INPP4B: variants seen among roughly 807,000 people sequenced by gnomAD.
INPP4B encodes the protein inositol polyphosphate 4-phosphatase type II.
A neutral mutation model predicts 122.5 loss-of-function variants in INPP4B; 55 were observed. The ratio of observed to expected loss-of-function variants is 0.45; its 90% CI spans 0.36 to 0.56. INPP4B has a LOEUF of 0.56. INPP4B is among the 20% of genes least tolerant of loss of function. The pLI is 0.00. For synonymous variants in INPP4B, 403 were observed against 388.7 expected, an observed-to-expected ratio of 1.04 and a Z score of -0.43; for missense variants, 1,000 against 1,097.7, an observed-to-expected ratio of 0.91 and a Z score of 1.26.
intron 2 of INPP4B, among the ~76,000 whole-genome samples, chr4:142,548,920 T>C (rs1727327354): frequency 6.6e-6 from 1 of 152,134 alleles, no homozygotes. Flanking sequence ...TATTAATTAT[T>C]ATACTGTGCT....
intron 2 of INPP4B, among the ~76,000 whole-genome samples, chr4:142,685,796 G>A (rs1356927763): frequency 2.6e-5 from 4 of 151,942 alleles, no homozygotes; most frequent in African/African-American, 9.7e-5. Context: ...GTTTCTATGT[G>A]TACATTTTTT....
intron 11 of INPP4B, among the ~76,000 whole-genome samples, chr4:142,246,068 T>A (rs1728526197): frequency 6.9e-6 from 1 of 145,604 alleles, no homozygotes; most frequent in South Asian, 2.1e-4. Context: ...TATGTGTGTG[T>A]GTATACACAC....
At position 142,829,948 on chromosome 4, in the gene INPP4B, T is replaced by G. The variant is rs1581012724; in HGVS notation, c.-254+16261A>C. Among the ~76,000 whole-genome samples, 3 of 152,258 alleles carry G rather than the reference T, an allele frequency of 2.0e-5. No individual in the cohort carries two copies. In the South Asian group the frequency reaches 6.2e-4, roughly 32 times the overall value. On this transcript the variant is annotated intron_variant, in intron 1 of 25. Coordinates refer to ENST00000262992, the MANE Select transcript of INPP4B (RefSeq NM_001101669.3). ...TAATTAAAACATTTAATTTTAAAAATTATACCATTTTAATAACTACAATAA... is the reference window on the plus strand; with the variant it reads ...TAATTAAAACATTTAATTTTAAAAAGTATACCATTTTAATAACTACAATAA...
intron 2 of INPP4B, among the ~76,000 whole-genome samples, chr4:142,589,378 T>C (rs1475452300): frequency 6.6e-6 from 1 of 151,916 alleles, no homozygotes; most frequent in Non-Finnish European, 1.5e-5. Flanking sequence ...TAGAATAAAA[T>C]ATTTGCAGAA....
chr4:142,751,068 T>A lies in INPP4B; in HGVS notation c.-253-25167A>T, dbSNP rs1320234697. On this transcript the variant is annotated intron_variant, in intron 1 of 25. Transcript: ENST00000262992. ...CTGTAGCCAAATAGCAAATTTTGAG[T>A]ACAGCTGTAAAAATAGCATGATGTT... is the stretch of plus-strand genomic sequence containing the variant. Among the ~76,000 whole-genome samples the A allele has an allele frequency of 2.0e-5, 3 of 151,974 alleles. No homozygotes were observed. In the East Asian group the frequency reaches 5.8e-4, roughly 29 times the overall value.
chr4:142,533,796 T>C (rs923673358), intron 2 of INPP4B, among the ~76,000 whole-genome samples: 3 of 152,160 alleles, frequency 2.0e-5, no homozygotes, highest in African/African-American at 4.8e-5. Flanking sequence ...AAATCCAAAA[T>C]CCCACATCTG....
intron 2 of INPP4B, chr4:142,565,969 TACGTAC>T (rs1324415767): frequency 6.6e-6 from 1 of 152,156 alleles, no homozygotes; most frequent in East Asian, 1.9e-4. Context: ...CACACCAACG[TACGTAC>T]ACTCATATGT....
intron 18 of INPP4B, among the ~76,000 whole-genome samples, chr4:142,143,630 T>C (rs1036525060): frequency 6.6e-6 from 1 of 151,970 alleles, no homozygotes; most frequent in African/African-American, 2.4e-5. Flanking sequence ...CACATTGATA[T>C]AAAAAATGGA....
intron 2 of INPP4B, among the ~76,000 whole-genome samples, chr4:142,720,720 GTA>G (rs1258248577): frequency 1.3e-4 from 5 of 37,806 alleles, no homozygotes; most frequent in Non-Finnish European, 2.6e-4. Flanking sequence ...CTGTATATGT[GTA>G]TATATATACA....
At chr4:142,274,905 A>C (rs1008276524) in intron 9 of INPP4B, among the ~76,000 whole-genome samples, 6 of 151,836 alleles carry the variant, frequency 4.0e-5, no homozygotes, top group African/African-American at 1.4e-4. Context: ...CACAATGTCA[A>C]GTTTCTCTTT....
intron 15 of INPP4B, among the ~76,000 whole-genome samples, chr4:142,189,654 T>C (rs1252061948): frequency 6.6e-6 from 1 of 151,614 alleles, no homozygotes; most frequent in South Asian, 2.1e-4. Flanking sequence ...AAATGAAAAA[T>C]AGTAGAAAAT....
At position 142,653,267 on chromosome 4, in the gene INPP4B, A is replaced by G. The variant is rs1211471992; in HGVS notation, c.-191+72572T>C. ...AAATGTTACACCTAAAGCCATAAAA[A>G]CCCTAGAAGAAAACCTAGGCAATAC... On this transcript the variant is annotated intron_variant, in intron 2 of 25. Coordinates refer to ENST00000262992, the MANE Select transcript of INPP4B (RefSeq NM_001101669.3). 4.6e-5 allele frequency among the ~76,000 whole-genome samples: 7 copies of G among 152,266 alleles called. No homozygotes were observed. The East Asian group carries it at 1.2e-3, about 25-fold the overall frequency.
chr4:142,064,575 G>C (rs1350688337), intron 25 of INPP4B, among the ~76,000 whole-genome samples: 1 of 152,044 alleles, frequency 6.6e-6, no homozygotes, highest in Non-Finnish European at 1.5e-5. Flanking sequence ...TATTTCAAGA[G>C]CAGCTGCTAT....
At chr4:142,350,909 CTA>C (rs1027328064) in intron 7 of INPP4B, among the ~76,000 whole-genome samples, 9 of 151,930 alleles carry the variant, frequency 5.9e-5, no homozygotes, top group African/African-American at 2.2e-4. Context: ...TCTGATGGCT[CTA>C]TGTTAGGCTC....
At chr4:142,102,535 T>C (rs971133720) in intron 23 of INPP4B, among the ~76,000 whole-genome samples, 1 of 150,852 alleles carries the variant, frequency 6.6e-6, no homozygotes, top group South Asian at 2.1e-4. Context: ...AGAGAAAGTG[T>C]TGTATCAGCA....
intron 2 of INPP4B, among the ~76,000 whole-genome samples, chr4:142,647,839 C>T (rs1208096347): frequency 6.6e-6 from 1 of 152,244 alleles, no homozygotes; most frequent in East Asian, 1.9e-4. Context: ...GCATCACGCT[C>T]AGGGCTTTGC....
intron 25 of INPP4B, among the ~76,000 whole-genome samples, chr4:142,074,536 T>C (rs1199677894): frequency 1.3e-5 from 2 of 152,076 alleles, no homozygotes; most frequent in South Asian, 2.1e-4. Context: ...TTACCACCCA[T>C]TATACCTATT....
intron 1 of INPP4B, among the ~76,000 whole-genome samples, chr4:142,784,877 C>G (rs1273520471): frequency 6.6e-6 from 1 of 151,976 alleles, no homozygotes; most frequent in Admixed American, 6.6e-5. Context: ...TCAAAAACAG[C>G]CCCCTTTAGG....
At position 142,350,167 on chromosome 4, in the gene INPP4B, C is replaced by A. The variant is rs537146766; in HGVS notation, c.373-35405G>T. On this transcript the variant is annotated intron_variant, in intron 7 of 25. Transcript: ENST00000262992. ...TTTCCACTATTAAGAACAGTCTGCA[C>A]TATTAGCCTTTCTCTGAGTGTTCAG... Among the ~76,000 whole-genome samples, 15 of 152,088 alleles carry A rather than the reference C, an allele frequency of 9.9e-5. No homozygotes were observed. In the South Asian group the frequency reaches 2.9e-3, roughly 29 times the overall value.
Sources: allele counts gnomAD v4.1 joint callset (sites outside exome capture counted in the v4.1 genomes callset), GRCh38; gene constraint gnomAD v4.1.1; transcripts MANE v1.5; gene names NCBI Gene and HGNC (gene_info 2026-07-23, HGNC 2026-07-21).